The following ITPR2 variants were observed in gnomAD, a reference collection of about 807,000 sequenced individuals.
ITPR2 encodes the protein inositol 1,4,5-trisphosphate-gated calcium channel ITPR2.
Under a neutral mutation model 317.1 loss-of-function variants are expected in ITPR2, and 207 were observed. The ratio of observed to expected loss-of-function variants is 0.65; its 90% CI spans 0.58 to 0.73. The LOEUF is 0.73. Among genes scored for constraint, ITPR2 ranks in the 30% least tolerant of loss-of-function variants. The pLI is 0.00. For missense variants in ITPR2, 2,613 were observed against 3,284.0 expected (o/e 0.80, Z 4.99); for synonymous variants, 1,156 against 1,149.1 (o/e 1.01, Z -0.12).
intron 55 of ITPR2, among the ~76,000 whole-genome samples, chr12:26,357,147 T>G (rs980564570): frequency 6.6e-6 from 1 of 151,918 alleles, no homozygotes; most frequent in African/African-American, 2.4e-5. Context: ...CTACATAGTG[T>G]TGGGAGGTTA....
intron 45 of ITPR2, 36 bp downstream of exon 45, chr12:26,475,260 A>G: frequency 6.2e-7 from 1 of 1,611,610 alleles, no homozygotes; most frequent in Non-Finnish European, 8.5e-7. Context: ...GATTGATAGG[A>G]TGAGCAAAAT....
At chr12:26,463,730 C>T (rs1942100442) in intron 45 of ITPR2, among the ~76,000 whole-genome samples, 2 of 151,832 alleles carry the variant, frequency 1.3e-5, no homozygotes, top group Admixed American at 6.6e-5. Flanking sequence ...CTCTAAGGAA[C>T]AGTTTAGCAG....
chr12:26,391,550 CTTTTCCTTTTTTTTTTTTTTT>C (rs1440606855), intron 54 of ITPR2, among the ~76,000 whole-genome samples: 1 of 59,890 alleles, frequency 1.7e-5, no homozygotes, highest in Non-Finnish European at 3.4e-5. Flanking sequence ...TCTTCTTCTT[CTTTTCCTTTTTTTTTTTTTTT>C]TTTTTTTTTT....
At chr12:26,588,429 C>T (rs968997663) in intron 32 of ITPR2, among the ~76,000 whole-genome samples, 2 of 152,150 alleles carry the variant, frequency 1.3e-5, no homozygotes, top group Non-Finnish European at 2.9e-5. Flanking sequence ...TATACTTCTT[C>T]ACTTCCCTGA....
At chr12:26,502,261 T>A (rs1329441998) in intron 37 of ITPR2, among the ~76,000 whole-genome samples, 1 of 152,200 alleles carries the variant, frequency 6.6e-6, no homozygotes, top group Non-Finnish European at 1.5e-5. Context: ...ACTTATGCAA[T>A]CCCTCACCAA....
intron 37 of ITPR2, among the ~76,000 whole-genome samples, chr12:26,541,681 T>C (rs184974963): frequency 9.2e-4 from 140 of 152,334 alleles, no homozygotes; most frequent in African/African-American, 3.2e-3. Context: ...AGGAGCTTGA[T>C]ACAATTTACA....
intron 26 of ITPR2, among the ~76,000 whole-genome samples, chr12:26,611,624 T>C (rs559513324): frequency 1.3e-5 from 2 of 152,156 alleles, no homozygotes; most frequent in Admixed American, 1.3e-4. Flanking sequence ...GATATAGAGA[T>C]AAATATAGGT....
chr12:26,746,822 ATGTG>A (rs34449902), intron 2 of ITPR2, among the ~76,000 whole-genome samples: 31 of 147,756 alleles, frequency 2.1e-4, no homozygotes, highest in African/African-American at 4.5e-4. Context: ...GGGTGCATGC[ATGTG>A]TGTGTGTGTG....
intron 55 of ITPR2, among the ~76,000 whole-genome samples, chr12:26,365,192 A>G (rs1938966970): frequency 6.6e-6 from 1 of 152,196 alleles, no homozygotes; most frequent in South Asian, 2.1e-4. Flanking sequence ...TTCATGCCTG[A>G]ACACAGAGGA....
chr12:26,566,385 A>T (rs1472341338), intron 34 of ITPR2, among the ~76,000 whole-genome samples: 1 of 136,930 alleles, frequency 7.3e-6, no homozygotes, highest in Admixed American at 7.3e-5. Flanking sequence ...GGAGAGGCAG[A>T]GGGAGAGGAG....
At chr12:26,520,781 C>A (rs1311704197) in intron 37 of ITPR2, among the ~76,000 whole-genome samples, 1 of 152,120 alleles carries the variant, frequency 6.6e-6, no homozygotes, top group Non-Finnish European at 1.5e-5. Context: ...GATAGACCAA[C>A]CAAGAAAATC....
At position 26,600,025 on chromosome 12, in the gene ITPR2, G is replaced by T. The variant is rs777937144; in HGVS notation, c.3763C>A (p.Leu1255Ile). The T allele has an allele frequency of 5.6e-6, 9 of 1,606,548 alleles. No individual in the cohort carries two copies. Among genetic ancestry groups the T allele is most frequent in the Admixed American group, 1.7e-5 (1 of 59,974 alleles). ...AACAAATTCAGATGTTTATGAAGAA[G>T]AACTTGATTCTGTGGATTTCCTCGA... ...FCRGNPQNQV[L>I]LHKHLNLFLT... is the part of the protein sequence containing the mutation. Residue 1255 changes from leucine (L) to isoleucine (I), a missense_variant, in exon 29 of 57, where the codon CTT (leucine) becomes ATT (isoleucine). By Grantham distance (5) the Leu-to-Ile change is conservative (BLOSUM62 2). Around this residue, in one of 9 missense-constraint regions of ITPR2, gnomAD observed 817 missense variants for 897.6 expected, o/e 0.91. Coordinates refer to ENST00000381340, the MANE Select transcript of ITPR2 (RefSeq NM_002223.4).
intron 34 of ITPR2, among the ~76,000 whole-genome samples, chr12:26,569,171 G>A (rs947860859): frequency 2.6e-5 from 4 of 151,958 alleles, no homozygotes; most frequent in South Asian, 2.1e-4. Flanking sequence ...GGGCTATTCC[G>A]AAGATGAAAG....
chr12:26,508,418 G>C (rs189357768), intron 37 of ITPR2, among the ~76,000 whole-genome samples: 3 of 152,052 alleles, frequency 2.0e-5, no homozygotes, highest in Non-Finnish European at 1.5e-5. Context: ...CTTTGCAATC[G>C]AACAGTTATT....
chr12:26,457,639 T>C (rs1941924093), intron 45 of ITPR2, among the ~76,000 whole-genome samples: 2 of 152,202 alleles, frequency 1.3e-5, no homozygotes, highest in Admixed American at 1.3e-4. Flanking sequence ...TATTGAAGGA[T>C]GTGGGCAGAT....
At chr12:26,601,748 C>T (rs1946002978) in intron 28 of ITPR2, among the ~76,000 whole-genome samples, 1 of 152,082 alleles carries the variant, frequency 6.6e-6, no homozygotes, top group Non-Finnish European at 1.5e-5. Context: ...CTATTAATTA[C>T]AAGGGAATTA....
intron 55 of ITPR2, among the ~76,000 whole-genome samples, chr12:26,350,258 G>C (rs549990249): frequency 6.6e-6 from 1 of 152,328 alleles, no homozygotes; most frequent in Non-Finnish European, 1.5e-5. Context: ...GCTAAAAGGT[G>C]TCAGGAAGAA....
chr12:26,339,958 G>A (rs1938050575), intron 56 of ITPR2, among the ~76,000 whole-genome samples: 1 of 152,136 alleles, frequency 6.6e-6, no homozygotes, highest in African/African-American at 2.4e-5. Flanking sequence ...TCCATAGAAG[G>A]AGAAGTGTCG....
intron 21 of ITPR2, among the ~76,000 whole-genome samples, chr12:26,634,050 G>A (rs546448185): frequency 9.8e-5 from 15 of 152,306 alleles, no homozygotes; most frequent in Middle Eastern, 3.4e-3. Flanking sequence ...AACACATGTC[G>A]TCAATGAAAT....
Sources: gnomAD v4.1 joint callset for allele counts (sites outside exome capture counted in the v4.1 genomes callset) on GRCh38, gnomAD v4.1.1 for gene constraint, gnomAD v4.1.1 regional missense constraint, MANE v1.5 for transcripts, NCBI Gene and HGNC (gene_info 2026-07-23, HGNC 2026-07-21) for gene names.